The following SLC35F5 variants were observed in gnomAD, a reference collection of about 807,000 sequenced individuals.
SLC35F5 encodes the protein HCV NS5A-transactivated protein 3.
A neutral mutation model predicts 68.6 loss-of-function variants in SLC35F5; 54 were observed. That is an observed-to-expected ratio of 0.79 (90% CI 0.63 to 0.99). The LOEUF is 0.99. Among genes scored for constraint, SLC35F5 ranks in the 50% least tolerant of loss-of-function variants. The pLI is 0.00. For synonymous variants in SLC35F5, 211 were observed against 205.2 expected (o/e 1.03, Z -0.24); for missense variants, 567 against 626.9 (o/e 0.90, Z 1.02).
At chr2:113,735,736 C>A in intron 8 of SLC35F5, 41 bp downstream of exon 8, 8 of 1,335,328 alleles carry the variant, frequency 6.0e-6, no homozygotes, top group South Asian at 1.3e-5. Flanking sequence ...GAAATACATA[C>A]ACTGATTTAT....
At chr2:113,736,141 T>C (rs529283975) in intron 7 of SLC35F5, among the ~76,000 whole-genome samples, 1 of 151,738 alleles carries the variant, frequency 6.6e-6, no homozygotes, top group East Asian at 1.9e-4. Flanking sequence ...ATCAAATCAA[T>C]TTAAAAATTT....
At chr2:113,717,509 C>T (rs1356559087) in intron 15 of SLC35F5, 1 of 304,118 alleles carries the variant, frequency 3.3e-6, no homozygotes, top group Non-Finnish European at 6.1e-6. Context: ...TTAACACCCT[C>T]ATAAGGGAGG....
At chr2:113,747,821 G>A (rs1346444732) in intron 4 of SLC35F5, among the ~76,000 whole-genome samples, 5 of 152,234 alleles carry the variant, frequency 3.3e-5, no homozygotes, top group African/African-American at 4.8e-5. Flanking sequence ...GCCGGGCGCA[G>A]TGGCTCACGC....
At chr2:113,753,862 T>C (rs915425565) in intron 3 of SLC35F5, among the ~76,000 whole-genome samples, 1 of 152,212 alleles carries the variant, frequency 6.6e-6, no homozygotes, top group Non-Finnish European at 1.5e-5. Flanking sequence ...ATAGGTTTAG[T>C]TCCCTGTCAA....
Position 113,719,202 on chromosome 2 carries a change from C to A in SLC35F5, c.1448G>T (p.Gly483Val). Reference protein sequence around the residue: ...HYNNWDPVMVGIRRIFAFICR... With the variant: ...HYNNWDPVMVVIRRIFAFICR... ...TATAAAAGCAAATATTCTTCTGATT[C>A]CCACCATCACAGGATCCCAATTATT... The change falls in exon 14 of 16, where the codon GGA (glycine) becomes GTA (valine). Residue 483 changes from glycine (G) to valine (V), a missense_variant. Physicochemically the swap from Gly to Val is moderately radical, Grantham distance 109. Coordinates refer to ENST00000245680, the MANE Select transcript of SLC35F5 (RefSeq NM_025181.5). The A allele has an allele frequency of 6.2e-7, 1 of 1,607,358 alleles. No homozygotes were observed. Among genetic ancestry groups the A allele is most frequent in the Non-Finnish European group, 8.5e-7 (1 of 1,178,710 alleles).
At chr2:113,718,417 G>A (rs929776314) in intron 14 of SLC35F5, among the ~76,000 whole-genome samples, 1 of 152,018 alleles carries the variant, frequency 6.6e-6, no homozygotes, top group Non-Finnish European at 1.5e-5. Context: ...GAAAGAAATT[G>A]GAAAGAAAAA....
chr2:113,706,165 G>A (rs182515939), downstream of SLC35F5, among the ~76,000 whole-genome samples: 15 of 152,258 alleles, frequency 9.9e-5, no homozygotes, highest in East Asian at 2.3e-3. Context: ...TGAGGTCTGC[G>A]GCTCTGCTCT....
intron 3 of SLC35F5, among the ~76,000 whole-genome samples, chr2:113,753,752 G>A (rs1026168483): frequency 1.3e-5 from 2 of 151,688 alleles, no homozygotes; most frequent in African/African-American, 4.8e-5. Flanking sequence ...GCTTAGATAT[G>A]GTTAAATGAT....
downstream of SLC35F5, chr2:113,705,171 A>G (rs1357850548): frequency 2.0e-5 from 3 of 152,238 alleles, no homozygotes; most frequent in Non-Finnish European, 4.4e-5. Context: ...TGAAAGGGGC[A>G]CTATTCATGA....
At position 113,714,473 on chromosome 2, in the gene SLC35F5, T is replaced by C. The variant is rs1316303568; in HGVS notation, c.*745A>G. 1 of 152,106 alleles carries C rather than the reference T, an allele frequency of 6.6e-6. No individual in the cohort carries two copies. The highest frequency in any genetic ancestry group is 1.5e-5 in the Non-Finnish European group (1 of 67,942). 9.4% of individuals were successfully genotyped at this position (152,106 alleles called of 1,614,324 possible). ...TTCAAAACTCTAAATTAAACAGAGC[T>C]TTATCAATTAAGTTTACAGCAATAT... is the stretch of plus-strand genomic sequence containing the variant. On this transcript the variant is annotated 3_prime_UTR_variant, in exon 16 of 16. Coordinates refer to ENST00000245680, the MANE Select transcript of SLC35F5 (RefSeq NM_025181.5).
At chr2:113,735,683 A>G (rs12624301) in intron 8 of SLC35F5, 94 bp downstream of exon 8, 161,330 of 754,178 alleles carry the variant, frequency 0.21, 18,005 homozygotes, top group South Asian at 0.24. Flanking sequence ...GTAAGAAGCT[A>G]TAACAAGATA....
rs908499067 is a variant in SLC35F5, at chr2:113,742,849, T to A, written c.593A>T (p.Asn198Ile). The A allele has an allele frequency of 3.1e-6, 5 of 1,613,888 alleles. No homozygotes were observed. Among genetic ancestry groups the A allele is most frequent in the Non-Finnish European group, 3.4e-6 (4 of 1,179,886 alleles). The change falls in exon 7 of 16, where the codon AAT becomes ATT. Residue 198 changes from asparagine to isoleucine, a missense_variant. By Grantham distance (149) the Asn-to-Ile change is moderately radical (BLOSUM62 -3). Coordinates refer to ENST00000245680, the MANE Select transcript of SLC35F5 (RefSeq NM_025181.5). ...CGGAAGCTGTCGAATCTCCATGATA[T>A]TACTGAACCTCACACGAGACTTTTT... ...TPKKSRVRFS[N>I]IMEIRQLPSS...
chr2:113,722,709 C>T (rs1464056566), intron 13 of SLC35F5, among the ~76,000 whole-genome samples: 1 of 152,198 alleles, frequency 6.6e-6, no homozygotes, highest in Non-Finnish European at 1.5e-5. Flanking sequence ...AGATGGCTAA[C>T]TTTTACTGCA....
intron 13 of SLC35F5, among the ~76,000 whole-genome samples, chr2:113,720,227 G>C (rs1331127223): frequency 6.6e-6 from 1 of 151,002 alleles, no homozygotes; most frequent in Non-Finnish European, 1.5e-5. Flanking sequence ...TGAGACTTAA[G>C]TGTAACACAC....
In SLC35F5 at chr2:113,709,434, G is replaced by A. The variant is rs4616488; in HGVS notation, c.*5784C>T. 6.6e-6 allele frequency among the ~76,000 whole-genome samples: 1 copy of A among 152,242 alleles called. No individual in the cohort carries two copies. The highest frequency in any genetic ancestry group is 1.5e-5 in the Non-Finnish European group (1 of 68,048). ...ATTTCGCTTCTCACTTTATAGCTGA[G>A]AAGAGTGAGGGAAGGACGGACCATG... On this transcript the variant is annotated 3_prime_UTR_variant, in exon 16 of 16. Transcript: ENST00000245680.
rs1260674978 is a variant in SLC35F5, at chr2:113,714,924, A to G, written c.*294T>C. On this transcript the variant is annotated 3_prime_UTR_variant, in exon 16 of 16. Transcript: ENST00000245680. The stretch of plus-strand genomic sequence containing the variant: ...TTAGGATTTATTCCTTGATTAGTTC[A>G]AATGATTTCAACAGCTGAATTCCTT... 6.6e-6 allele frequency: 1 copy of G among 152,648 alleles called. No individual in the cohort carries two copies. Among genetic ancestry groups the G allele is most frequent in the Non-Finnish European group, 1.5e-5 (1 of 67,998 alleles). 9.5% of individuals were successfully genotyped at this position (152,648 alleles called of 1,614,324 possible).
At chr2:113,742,627 G>T in intron 7 of SLC35F5, 65 bp downstream of exon 7, 6 of 1,470,890 alleles carry the variant, frequency 4.1e-6, no homozygotes, top group South Asian at 3.5e-5. Flanking sequence ...TATATTGTTG[G>T]TATGTATACA....
chr2:113,721,267 C>T (rs1365362753), intron 13 of SLC35F5: 1 of 151,682 alleles, frequency 6.6e-6, no homozygotes, highest in African/African-American at 2.4e-5. Flanking sequence ...CTGACACCAA[C>T]ACACAGCCTG....
intron 13 of SLC35F5, among the ~76,000 whole-genome samples, chr2:113,721,971 C>CTTTTTTT (rs71297192): frequency 1.3e-3 from 142 of 107,628 alleles, no homozygotes; most frequent in Non-Finnish European, 1.9e-3. Flanking sequence ...TTGCTTTTAT[C>CTTTTTTT]TTTTTTTTTT....
Sources: allele counts gnomAD v4.1 joint callset (sites outside exome capture counted in the v4.1 genomes callset), GRCh38; gene constraint gnomAD v4.1.1; transcripts MANE v1.5; gene names NCBI Gene and HGNC (gene_info 2026-07-23, HGNC 2026-07-21).